BCL2L14: variants seen among roughly 807,000 people sequenced by gnomAD.
The protein encoded by BCL2L14 is BCL2 like 14.
Under a neutral mutation model 35.3 loss-of-function variants are expected in BCL2L14, and 27 were observed. The ratio of observed to expected loss-of-function variants is 0.76; its 90% confidence interval spans 0.56 to 1.05. BCL2L14 has a LOEUF of 1.05. Ranked by LOEUF, BCL2L14 falls within the 50% of genes least tolerant of loss-of-function variation. The pLI is 0.00. For synonymous variants in BCL2L14, 139 were observed against 145.9 expected (o/e 0.95, Z 0.34); for missense variants, 377 against 382.6 (o/e 0.99, Z 0.12).
intron 2 of BCL2L14, among the ~76,000 whole-genome samples, chr12:12,064,905 T>G (rs937478749): frequency 6.6e-6 from 1 of 152,204 alleles, no homozygotes; most frequent in Non-Finnish European, 1.5e-5. Context: ...AGAACGTCTT[T>G]CTCCATCTCA....
chr12:12,059,117 A>G (rs1040882041), intron 2 of BCL2L14, among the ~76,000 whole-genome samples: 1 of 152,196 alleles, frequency 6.6e-6, no homozygotes, highest in Non-Finnish European at 1.5e-5. Context: ...CGGACTGGGA[A>G]TGCAGCCTTC....
At chr12:12,094,562 C>T (rs749896783) in intron 4 of BCL2L14, 102 bp from the exon 5 acceptor site, 5 of 1,614,114 alleles carry the variant, frequency 3.1e-6, no homozygotes, top group Admixed American at 1.7e-5. Flanking sequence ...CCAGGGTTTT[C>T]CACAGGATGG....
chr12:12,050,278 C>T (rs1766784477), intron 1 of BCL2L14, among the ~76,000 whole-genome samples: 1 of 151,750 alleles, frequency 6.6e-6, no homozygotes, highest in Non-Finnish European at 1.5e-5. Flanking sequence ...CTTGAAAGAG[C>T]CTCAATTAGC....
At chr12:12,083,530 C>T (rs1231889782) in intron 2 of BCL2L14, among the ~76,000 whole-genome samples, 1 of 152,194 alleles carries the variant, frequency 6.6e-6, no homozygotes, top group Non-Finnish European at 1.5e-5. Flanking sequence ...CAGCGATATA[C>T]AGTGGAACAC....
chr12:12,069,396 C>CA (rs35926176), upstream of BCL2L14, among the ~76,000 whole-genome samples: 8 of 151,830 alleles, frequency 5.3e-5, no homozygotes, highest in South Asian at 6.2e-4. Flanking sequence ...CGTCTCCCCC[C>CA]AAAAAAAGGT....
intron 4 of BCL2L14, among the ~76,000 whole-genome samples, chr12:12,093,465 C>G (rs1949240289): frequency 6.6e-6 from 1 of 151,900 alleles, no homozygotes; most frequent in Admixed American, 6.6e-5. Context: ...AGCCTTGTCC[C>G]TAAAAAACAA....
intron 2 of BCL2L14, among the ~76,000 whole-genome samples, chr12:12,084,011 G>A (rs763143568): frequency 1.6e-4 from 25 of 152,174 alleles, no homozygotes; most frequent in Non-Finnish European, 2.9e-4. Flanking sequence ...TATTCTAAAG[G>A]TGGCTGTTGG....
chr12:12,052,608 T>G (rs1948373916), intron 2 of BCL2L14, among the ~76,000 whole-genome samples: 1 of 152,238 alleles, frequency 6.6e-6, no homozygotes, highest in African/African-American at 2.4e-5. Flanking sequence ...ACATTTTCTT[T>G]ATTCATTCAT....
intron 2 of BCL2L14, among the ~76,000 whole-genome samples, chr12:12,083,513 T>C (rs1257775464): frequency 6.6e-6 from 1 of 152,196 alleles, no homozygotes; most frequent in Non-Finnish European, 1.5e-5. Flanking sequence ...ATAGTTAAGG[T>C]GAGGTTCAGC....
At chr12:12,082,586 A>G (rs1948951720) in intron 2 of BCL2L14, among the ~76,000 whole-genome samples, 1 of 152,192 alleles carries the variant, frequency 6.6e-6, no homozygotes. Context: ...ATTTCAAGAG[A>G]AGCTTTTATT....
chr12:12,073,252 C>G (rs1028633844), intron 1 of BCL2L14, among the ~76,000 whole-genome samples: 5 of 152,202 alleles, frequency 3.3e-5, no homozygotes, highest in African/African-American at 1.2e-4. Flanking sequence ...GCTCTCCAGG[C>G]TCTTGTGGCG....
intron 2 of BCL2L14, among the ~76,000 whole-genome samples, chr12:12,057,755 T>TCAAAAAAAAAA (rs1948453725): frequency 8.3e-6 from 1 of 120,340 alleles, no homozygotes; most frequent in Non-Finnish European, 1.7e-5. Flanking sequence ...AAAACTCCAT[T>TCAAAAAAAAAA]AAAAAAAAAA....
chr12:12,065,184 G>A (rs1029588099), intron 2 of BCL2L14, among the ~76,000 whole-genome samples: 4 of 152,088 alleles, frequency 2.6e-5, no homozygotes, highest in African/African-American at 9.7e-5. Context: ...TCAAAGGAGT[G>A]GTCAGAAATT....
intron 5 of BCL2L14, chr12:12,095,652 C>T (rs1949298772): frequency 1.0e-6 from 1 of 985,390 alleles, no homozygotes; most frequent in South Asian, 4.7e-5. Flanking sequence ...AGACCTTCAT[C>T]CCACATTATC....
intron 5 of BCL2L14, among the ~76,000 whole-genome samples, chr12:12,096,635 G>C (rs1416290726): frequency 6.6e-6 from 1 of 152,146 alleles, no homozygotes; most frequent in Non-Finnish European, 1.5e-5. Flanking sequence ...ATGAAAAGAC[G>C]CTTGTTTGAC....
At position 12,079,614 on chromosome 12, in the gene BCL2L14, A is replaced by G; in HGVS notation, c.309A>G (p.Glu103=). ...CATTCTTTGGAGTAGTGGAGAAGGAAGATTCGCAGAGCACGCCTGCCAAGG... is the reference window on the plus strand; with the variant it reads ...CATTCTTTGGAGTAGTGGAGAAGGAGGATTCGCAGAGCACGCCTGCCAAGG... The part of the protein sequence containing the change: ...WKAFFGVVEK[E]DSQSTPAKVS... Residue 103 remains glutamate (E), a synonymous_variant, in exon 2 of 6, where the codon GAA becomes GAG. Coordinates refer to ENST00000308721, the MANE Select transcript of BCL2L14 (RefSeq NM_138723.2). 6.2e-7 allele frequency: 1 copy of G among 1,614,212 alleles called. No homozygotes were observed. The highest frequency in any genetic ancestry group is 8.5e-7 in the Non-Finnish European group (1 of 1,180,044).
intron 2 of BCL2L14, among the ~76,000 whole-genome samples, chr12:12,053,506 C>T (rs1948388212): frequency 6.6e-6 from 1 of 151,988 alleles, no homozygotes; most frequent in Non-Finnish European, 1.5e-5. Flanking sequence ...CTGCAACCTC[C>T]ACCTCCCGGG....
chr12:12,064,832 T>C (rs1047139607), intron 2 of BCL2L14, among the ~76,000 whole-genome samples: 2 of 152,232 alleles, frequency 1.3e-5, no homozygotes, highest in African/African-American at 2.4e-5. Flanking sequence ...ATGGAAGTCA[T>C]GGTAGTCAGA....
At chr12:12,068,840 A>T (rs1948624145), upstream of BCL2L14, among the ~76,000 whole-genome samples, 1 of 152,068 alleles carries the variant, frequency 6.6e-6, no homozygotes, top group African/African-American at 2.4e-5. Context: ...AAGGGGGGCT[A>T]CTCCATAGGC....
Sources: gnomAD v4.1 joint callset for allele counts (sites outside exome capture counted in the v4.1 genomes callset) on GRCh38, gnomAD v4.1.1 for gene constraint, MANE v1.5 for transcripts, NCBI Gene and HGNC (gene_info 2026-07-23, HGNC 2026-07-21) for gene names.